The following NFATC3 variants were observed in gnomAD, a reference collection of about 807,000 sequenced individuals.
NFATC3 encodes the protein nuclear factor of activated T-cells, cytoplasmic 3.
Under a neutral mutation model 98.6 loss-of-function variants are expected in NFATC3, and 46 were observed. The ratio of observed to expected loss-of-function variants is 0.47; its 90% CI spans 0.37 to 0.60. The LOEUF (loss-of-function observed/expected upper bound fraction) is 0.60. Among genes scored for constraint, NFATC3 ranks in the 20% least tolerant of loss-of-function variants. The probability of loss-of-function intolerance (pLI) is 0.00; values close to 1 mark genes in which losing one functional copy is unlikely to be tolerated. For synonymous variants in NFATC3, 512 were observed against 472.2 expected (o/e 1.08, Z -1.09); for missense variants, 1,256 against 1,295.5 (o/e 0.97, Z 0.47).
Position 68,184,062 on chromosome 16 carries a change from T to A in NFATC3, c.2098+696T>A, listed in dbSNP as rs564889214. ...TAACAGAAAGGTAACATGATCAGACTTGTGTTTCAAAATCATTTTCCTCAT... is the reference window on the plus strand; with the variant it reads ...TAACAGAAAGGTAACATGATCAGACATGTGTTTCAAAATCATTTTCCTCAT... On this transcript the variant is annotated intron_variant, in intron 8 of 9. Coordinates refer to ENST00000346183, the MANE Select transcript of NFATC3 (RefSeq NM_173165.3). 1.4e-3 allele frequency among the ~76,000 whole-genome samples: 206 copies of A among 150,932 alleles called. 10 individuals carry two copies. The South Asian group carries it at 0.041, about 30-fold the overall frequency.
intron 6 of NFATC3, among the ~76,000 whole-genome samples, chr16:68,179,751 G>A (rs981316628): frequency 1.3e-5 from 2 of 152,166 alleles, no homozygotes; most frequent in African/African-American, 4.8e-5. Context: ...CAGAAATCTG[G>A]AAAGCCTAGG....
chr16:68,154,966 G>A (rs924822138), intron 3 of NFATC3, among the ~76,000 whole-genome samples: 3 of 152,200 alleles, frequency 2.0e-5, no homozygotes, highest in African/African-American at 7.2e-5. Flanking sequence ...ATGGACTATA[G>A]GGCAACAAGA....
At chr16:68,133,750 TA>T (rs1363468017) in intron 3 of NFATC3, among the ~76,000 whole-genome samples, 1 of 152,240 alleles carries the variant, frequency 6.6e-6, no homozygotes, top group Non-Finnish European at 1.5e-5. Context: ...TTTTGTTGTT[TA>T]TTTTTTTCAT....
intron 9 of NFATC3, chr16:68,221,468 A>G: frequency 2.3e-6 from 3 of 1,303,770 alleles, no homozygotes; most frequent in East Asian, 5.6e-5. Context: ...TTACTTGAGC[A>G]TGATTTTTGT....
intron 4 of NFATC3, among the ~76,000 whole-genome samples, chr16:68,166,391 C>T (rs1297353787): frequency 6.6e-6 from 1 of 152,136 alleles, no homozygotes; most frequent in Non-Finnish European, 1.5e-5. Context: ...TTGTCTGGGC[C>T]TTTCTCTGCA....
At chr16:68,208,251 G>A (rs1376054816) in intron 9 of NFATC3, among the ~76,000 whole-genome samples, 4 of 151,706 alleles carry the variant, frequency 2.6e-5, no homozygotes, top group African/African-American at 9.7e-5. Flanking sequence ...TAGTCAGGCT[G>A]GTCTCAAACT....
At chr16:68,225,313 C>T (rs1006656193) in intron 9 of NFATC3, 12 of 152,228 alleles carry the variant, frequency 7.9e-5, no homozygotes, top group African/African-American at 2.9e-4. Context: ...ATTAGTAATT[C>T]CTCCCTGTTT....
intron 3 of NFATC3, 149 bp downstream of exon 3, chr16:68,126,759 A>G (rs1006350668): frequency 1.4e-5 from 9 of 622,188 alleles, no homozygotes; most frequent in Admixed American, 6.4e-5. Flanking sequence ...ATGTGACTAC[A>G]CTTGTGCATT....
chr16:68,221,543 T>G, intron 9 of NFATC3: 6 of 1,221,922 alleles, frequency 4.9e-6, no homozygotes, highest in Non-Finnish European at 6.2e-6. Context: ...TATTTAGTAC[T>G]CAATATATGT....
chr16:68,150,004 C>T (rs1387503476), intron 3 of NFATC3, among the ~76,000 whole-genome samples: 1 of 152,108 alleles, frequency 6.6e-6, no homozygotes, highest in Non-Finnish European at 1.5e-5. Flanking sequence ...TTTATATGCT[C>T]TACTTATATC....
chr16:68,104,805 C>G (rs2151469223), intron 1 of NFATC3, among the ~76,000 whole-genome samples: 1 of 152,054 alleles, frequency 6.6e-6, no homozygotes, highest in South Asian at 2.1e-4. Context: ...CAGGTGCCCA[C>G]CACCACGCTC....
intron 9 of NFATC3, chr16:68,221,118 C>T: frequency 6.8e-7 from 1 of 1,472,362 alleles, no homozygotes; most frequent in South Asian, 1.2e-5. Flanking sequence ...AATTAAATTG[C>T]AAGCATTAGT....
chr16:68,112,719 C>T (rs1320345308), intron 1 of NFATC3, among the ~76,000 whole-genome samples: 6 of 134,718 alleles, frequency 4.5e-5, no homozygotes, highest in Admixed American at 2.5e-4. Flanking sequence ...ACTGCAGTGG[C>T]GCAATCTCGG....
chr16:68,107,308 T>G lies in NFATC3; in HGVS notation c.104-14679T>G, dbSNP rs554125364. Among the ~76,000 whole-genome samples, 162 of 152,336 alleles carry G rather than the reference T, an allele frequency of 1.1e-3. 1 individual carries two copies. The highest frequency in any genetic ancestry group is 3.7e-3 in the African/African-American group (154 of 41,576). The stretch of plus-strand genomic sequence containing the variant: ...AATGATATTTTTGGTTCTAGGTCTT[T>G]GGGAGAATAATTGCTACACTGTCTT... On this transcript the variant is annotated intron_variant, in intron 1 of 9. Transcript: ENST00000346183.
At chr16:68,154,984 CAGAG>C (rs970287898) in intron 3 of NFATC3, among the ~76,000 whole-genome samples, 1 of 152,214 alleles carries the variant, frequency 6.6e-6, no homozygotes, top group Non-Finnish European at 1.5e-5. Flanking sequence ...AGAGGGAAGA[CAGAG>C]AGCAGTTATA....
intron 3 of NFATC3, among the ~76,000 whole-genome samples, chr16:68,132,977 T>G (rs972594566): frequency 7.9e-5 from 12 of 152,054 alleles, no homozygotes; most frequent in Admixed American, 7.9e-4. Context: ...TAATAAAAAT[T>G]TATTGTGGCG....
Position 68,167,172 on chromosome 16 carries a change from G to A in NFATC3, c.1774+157G>A, listed in dbSNP as rs1038906165. ...ATGTGGAAATGAGCTAACATGTTTG[G>A]GTGGAAGAGTACTGATCTTGGAATT... On this transcript the variant is annotated intron_variant, in intron 5 of 9. Transcript: ENST00000346183. Among the ~76,000 whole-genome samples, 61 of 152,190 alleles carry A rather than the reference G, an allele frequency of 4.0e-4. 1 individual carries two copies. Among genetic ancestry groups the A allele is most frequent in the African/African-American group, 1.4e-3 (58 of 41,444 alleles).
At chr16:68,197,086 G>A (rs974359573) in intron 9 of NFATC3, among the ~76,000 whole-genome samples, 1 of 151,822 alleles carries the variant, frequency 6.6e-6, no homozygotes, top group African/African-American at 2.4e-5. Context: ...GAACTCCATA[G>A]CACTGGAATA....
intron 6 of NFATC3, among the ~76,000 whole-genome samples, chr16:68,179,975 C>T (rs2039885162): frequency 6.6e-6 from 1 of 152,132 alleles, no homozygotes; most frequent in Non-Finnish European, 1.5e-5. Context: ...GCATATGGTG[C>T]TCCCAAGAAA....
Sources: gnomAD v4.1 joint callset for allele counts (sites outside exome capture counted in the v4.1 genomes callset) on GRCh38, gnomAD v4.1.1 for gene constraint, MANE v1.5 for transcripts, NCBI Gene and HGNC (gene_info 2026-07-23, HGNC 2026-07-21) for gene names.